Variants in MUC13 observed in about 807,000 individuals in gnomAD.
The protein encoded by MUC13 is mucin 13, cell surface associated, also known as mucin-13.
In MUC13, 32 loss-of-function variants were observed where a neutral mutation model predicts 48.3. That is an observed-to-expected ratio of 0.66 (90% CI 0.50 to 0.89). The LOEUF (loss-of-function observed/expected upper bound fraction) is 0.89. MUC13 is among the 40% of genes least tolerant of loss of function. The pLI is 0.00. For synonymous variants in MUC13, 199 were observed against 224.9 expected, an observed-to-expected ratio of 0.88 and a Z score of 1.03; for missense variants, 571 against 622.8, an observed-to-expected ratio of 0.92 and a Z score of 0.88.
At chr3:124,934,006 C>T (rs1935840990) in intron 1 of MUC13, among the ~76,000 whole-genome samples, 1 of 152,172 alleles carries the variant, frequency 6.6e-6, no homozygotes, top group Admixed American at 6.5e-5. Context: ...TGAAAGGAGG[C>T]TTTTTGCTGT....
chr3:124,913,564 A>G lies in MUC13; in HGVS notation c.1082T>C (p.Val361Ala). ...QRPNPQSPFC[V>A]ASSLKCPDAC... is the part of the protein sequence containing the mutation. ...TTAGAAGCAGGTGAAACACTTACCA[A>G]CGCAGAAAGGGCTCTGTGGGTTAGG... Residue 361 changes from valine to alanine, a missense_variant and splice_region_variant, in exon 7 of 12, where the codon GTT (valine) becomes GCT (alanine). Transcript: ENST00000616727. 6.2e-7 allele frequency: 1 copy of G among 1,614,218 alleles called. No homozygotes were observed. The highest frequency in any genetic ancestry group is 1.1e-5 in the South Asian group (1 of 91,080).
At position 124,923,590 on chromosome 3, in the gene MUC13, G is replaced by T; in HGVS notation, c.574C>A (p.His192Asn). 1 of 1,613,936 alleles carries T rather than the reference G, an allele frequency of 6.2e-7. No homozygotes were observed. Among genetic ancestry groups the T allele is most frequent in the Non-Finnish European group, 8.5e-7 (1 of 1,179,856 alleles). ...CADNSLCVKL[H>N]NTSFCLCLEG... ...AAACACAGGCAAAAACTTGTATTAT[G>T]CAGCTTAACACATAACGAATTATCT... Residue 192 changes from histidine to asparagine, a missense_variant, in exon 3 of 12, where the codon CAT becomes AAT. His to Asn is a moderately conservative substitution (Grantham distance 68). Transcript: ENST00000616727.
chr3:124,912,647 T>C (rs1935441974), intron 8 of MUC13, among the ~76,000 whole-genome samples: 1 of 152,124 alleles, frequency 6.6e-6, no homozygotes, highest in Non-Finnish European at 1.5e-5. Flanking sequence ...GCTCAAAAAC[T>C]ATTGATGATG....
chr3:124,927,459 G>T (rs1579370932), intron 2 of MUC13, 73 bp downstream of exon 2: 3 of 1,458,330 alleles, frequency 2.1e-6, no homozygotes. Context: ...TACCCCACCA[G>T]AACATACCCA....
rs1051082942 is a variant in MUC13, at chr3:124,925,911, G to A, written c.514+1621C>T. ...ATTACAGGCGTGAGCCACCATGCTC[G>A]GCTTCCATTAACAATTTTTTAAAGA... On this transcript the variant is annotated intron_variant, in intron 2 of 11. Transcript: ENST00000616727. 1.8e-4 allele frequency among the ~76,000 whole-genome samples: 28 copies of A among 152,094 alleles called. 1 individual carries two copies. The highest frequency in any genetic ancestry group is 6.5e-4 in the African/African-American group (27 of 41,490).
Position 124,916,452 on chromosome 3 carries a change from G to T in MUC13, c.829C>A (p.Arg277Ser). 6.2e-7 allele frequency: 1 copy of T among 1,612,672 alleles called. No homozygotes were observed. The highest frequency in any genetic ancestry group is 1.7e-5 in the Admixed American group (1 of 59,886). ...ACATTAACAAACTTGTCATCAGCAC[G>T]CATTTCAGATCTTGGTGACAGAGAT... ...STSLSPRSEMRADDKFVNVTI... is the reference protein window; with the variant it reads ...STSLSPRSEMSADDKFVNVTI... Residue 277 changes from arginine (R) to serine (S), a missense_variant, in exon 6 of 12, where the codon CGT becomes AGT. By Grantham distance (110) the Arg-to-Ser change is moderately radical. Coordinates refer to ENST00000616727, the MANE Select transcript of MUC13 (RefSeq NM_033049.4).
At chr3:124,913,500 A>C in intron 7 of MUC13, 62 bp downstream of exon 7, 15 of 1,609,460 alleles carry the variant, frequency 9.3e-6, no homozygotes, top group Non-Finnish European at 1.3e-5. Flanking sequence ...TGAATTTTTT[A>C]TGTTGCAAAA....
At chr3:124,924,267 G>A (rs1178661150) in intron 2 of MUC13, among the ~76,000 whole-genome samples, 3 of 152,138 alleles carry the variant, frequency 2.0e-5, no homozygotes, top group Non-Finnish European at 2.9e-5. Context: ...TGAATAAATG[G>A]TGAAAATAAC....
At chr3:124,931,896 T>A (rs980196953) in intron 1 of MUC13, among the ~76,000 whole-genome samples, 3 of 151,602 alleles carry the variant, frequency 2.0e-5, no homozygotes. Flanking sequence ...TACAAAAAAA[T>A]TAGCCAGGTG....
At chr3:124,918,632 G>A (rs565235541) in intron 5 of MUC13, among the ~76,000 whole-genome samples, 1 of 152,188 alleles carries the variant, frequency 6.6e-6, no homozygotes, top group East Asian at 1.9e-4. Context: ...CAGTGACAAA[G>A]GTTCCGAGAG....
At chr3:124,926,459 A>G (rs1353433113) in intron 2 of MUC13, among the ~76,000 whole-genome samples, 1 of 152,174 alleles carries the variant, frequency 6.6e-6, no homozygotes, top group Non-Finnish European at 1.5e-5. Flanking sequence ...TCCCGCCTTC[A>G]GAGTGGCCCC....
At chr3:124,913,025 C>A (rs1935450220) in intron 8 of MUC13, 86 bp downstream of exon 8, 5 of 1,453,290 alleles carry the variant, frequency 3.4e-6, no homozygotes, top group Middle Eastern at 1.9e-4. Flanking sequence ...AGCTTCCTGA[C>A]TCAACACCTA....
chr3:124,927,793 G>T lies in MUC13; in HGVS notation c.253C>A (p.Pro85Thr), dbSNP rs943250546. The T allele has an allele frequency of 6.2e-6, 10 of 1,614,048 alleles. No individual in the cohort carries two copies. Among genetic ancestry groups the T allele is most frequent in the South Asian group, 2.2e-5 (2 of 91,054 alleles). ...TGTGTACTAATTATGGGGGGAGCAG[G>T]TGTAGGAATTGTGGAGGAACTATGT... ...STHSSSTIPTPAPPIISTHSS... is the reference protein window; with the variant it reads ...STHSSSTIPTTAPPIISTHSS... The change falls in exon 2 of 12, where the codon CCT (proline) becomes ACT (threonine). Residue 85 changes from proline to threonine, a missense_variant. By Grantham distance (38) the Pro-to-Thr change is conservative. Transcript: ENST00000616727.
intron 8 of MUC13, 39 bp from the exon 9 acceptor site, chr3:124,912,180 C>T (rs1217520445): frequency 8.1e-6 from 13 of 1,606,956 alleles, no homozygotes; most frequent in Non-Finnish European, 1.1e-5. Flanking sequence ...TGTTAAAGAG[C>T]CCCTGTGGGG....
At chr3:124,922,146 A>G (rs188950061) in intron 4 of MUC13, 51 bp downstream of exon 4, 27 of 1,602,146 alleles carry the variant, frequency 1.7e-5, no homozygotes, top group Non-Finnish European at 2.2e-5. Context: ...TCTGCAACTC[A>G]GTGTTAGAAC....
chr3:124,918,817 C>T (rs1935546457), intron 5 of MUC13, among the ~76,000 whole-genome samples: 1 of 152,124 alleles, frequency 6.6e-6, no homozygotes, highest in Non-Finnish European at 1.5e-5. Context: ...ATTCACAGCC[C>T]TCCAGCAGCT....
rs1935446826 is a variant in MUC13, at chr3:124,912,910, TG to T, written c.1214+200del. 2.5e-5 allele frequency among the ~76,000 whole-genome samples: 3 copies of T among 119,258 alleles called. No individual in the cohort carries two copies. In the Admixed American group the frequency reaches 3.5e-4, roughly 14 times the overall value. The allele number at this position is 119,258 out of a possible 152,430, so 78.2% of individuals were successfully genotyped here. On this transcript the variant is annotated intron_variant, in intron 8 of 11. Transcript: ENST00000616727. Reference sequence around the variant, plus strand: ...GAGATTGCACCATTGCACTGTAGCCTGGGGGACAGAGTGAGACTCCATCTCA... The same window carrying T: ...GAGATTGCACCATTGCACTGTAGCCTGGGGACAGAGTGAGACTCCATCTCA...
intron 4 of MUC13, among the ~76,000 whole-genome samples, chr3:124,921,339 T>C (rs1935591442): frequency 6.6e-6 from 1 of 152,020 alleles, no homozygotes. Flanking sequence ...TTAGTAGAGA[T>C]GGGGTGTCAC....
chr3:124,912,018 G>A, intron 9 of MUC13, 86 bp downstream of exon 9: 2 of 1,528,414 alleles, frequency 1.3e-6, no homozygotes, highest in Non-Finnish European at 1.8e-6. Context: ...AGACTTTGAA[G>A]GACTGGGCAG....
Sources: allele counts gnomAD v4.1 joint callset (sites outside exome capture counted in the v4.1 genomes callset), GRCh38; gene constraint gnomAD v4.1.1; transcripts MANE v1.5; gene names NCBI Gene and HGNC (gene_info 2026-07-23, HGNC 2026-07-21).